Variants in USP14 observed in about 807,000 individuals in gnomAD.
The protein encoded by USP14 is ubiquitin carboxyl-terminal hydrolase 14.
In USP14, 38 loss-of-function variants were observed where a neutral mutation model predicts 76.5. That is an observed-to-expected ratio of 0.50 (90% CI 0.38 to 0.65). The LOEUF is 0.65. USP14 is among the 30% of genes least tolerant of loss of function. The pLI is 0.00. For missense variants in USP14, 467 were observed against 586.5 expected (o/e 0.80, Z 2.10); for synonymous variants, 192 against 191.7 (o/e 1.00, Z -0.01).
chr18:204,311 G>A (rs1044762297), intron 12 of USP14, among the ~76,000 whole-genome samples: 2 of 151,952 alleles, frequency 1.3e-5, no homozygotes, highest in African/African-American at 2.4e-5. Flanking sequence ...TTCCTCTGTG[G>A]TTAGTTTTGT....
rs765644500 is a variant in USP14, at chr18:209,945, A to G, written c.1165-26A>G. ...AATTTTATTTCCAAAATCATGATTT[A>G]AAATTAAACATTTTTTTCTCCTCAG... On this transcript the variant is annotated intron_variant, in intron 13 of 15. Transcript: ENST00000261601. 9 of 1,545,860 alleles carry G rather than the reference A, an allele frequency of 5.8e-6. No individual in the cohort carries two copies. In the East Asian group the frequency reaches 2.0e-4, roughly 35 times the overall value.
At chr18:161,550 G>A (rs1330539149) in intron 1 of USP14, among the ~76,000 whole-genome samples, 3 of 152,108 alleles carry the variant, frequency 2.0e-5, no homozygotes, top group Non-Finnish European at 4.4e-5. Context: ...TACTTACATA[G>A]TTAATTACTC....
intron 3 of USP14, among the ~76,000 whole-genome samples, chr18:171,761 CCTT>C (rs1177065294): frequency 6.6e-6 from 1 of 152,172 alleles, no homozygotes; most frequent in Non-Finnish European, 1.5e-5. Flanking sequence ...CAATTAAAAA[CCTT>C]CTGGAAAGGA....
At chr18:175,046 T>G (rs1301274795) in intron 3 of USP14, among the ~76,000 whole-genome samples, 1 of 152,176 alleles carries the variant, frequency 6.6e-6, no homozygotes, top group African/African-American at 2.4e-5. Flanking sequence ...GTGCTGGGAT[T>G]ACAAGCGTGA....
At position 158,782 on chromosome 18, in the gene USP14, T is replaced by A. The variant is rs535626748; in HGVS notation, c.16+68T>A. The A allele has an allele frequency of 3.0e-4, 405 of 1,334,668 alleles. 2 individuals carry two copies. In the Middle Eastern group the frequency reaches 3.8e-3, roughly 13 times the overall value. 82.7% of individuals were successfully genotyped at this position (1,334,668 alleles called of 1,614,324 possible). On this transcript the variant is annotated intron_variant, in intron 1 of 15. Transcript: ENST00000261601. ...GCTAGGCCTCCGCGTAGGCCTGGCC[T>A]GCACGGGCGGGCACCCGGCATGGAC...
chr18:184,614 C>A (rs535410004), intron 5 of USP14, among the ~76,000 whole-genome samples: 16 of 151,974 alleles, frequency 1.1e-4, no homozygotes, highest in African/African-American at 3.4e-4. Flanking sequence ...AAACAAAAAA[C>A]CAAAAATTAG....
At chr18:200,348 C>G (rs1269188674) in intron 10 of USP14, among the ~76,000 whole-genome samples, 2 of 152,142 alleles carry the variant, frequency 1.3e-5, no homozygotes, top group African/African-American at 4.8e-5. Flanking sequence ...TTGTCTAAAC[C>G]AGGACACTTT....
In USP14 at chr18:213,296, T is replaced by TAAGC. The variant is rs1555603653; in HGVS notation, c.*2013_*2016dup. Reference sequence around the variant, plus strand: ...TGAGCTAGGTTTAGAGCAAAGTATATAAGCCTTGTATGGACTATATTAGAA... The same window carrying TAAGC: ...TGAGCTAGGTTTAGAGCAAAGTATATAAGCAAGCCTTGTATGGACTATATTAGAA... On this transcript the variant is annotated 3_prime_UTR_variant, in exon 16 of 16. Transcript: ENST00000261601. The TAAGC allele has an allele frequency of 2.0e-5, 3 of 152,212 alleles. No individual in the cohort carries two copies. Among genetic ancestry groups the TAAGC allele is most frequent in the African/African-American group, 7.2e-5 (3 of 41,460 alleles). The allele number at this position is 152,212 out of a possible 1,614,324, so 9.4% of individuals were successfully genotyped here. A position where few individuals can be genotyped will look rare whatever the true frequency, so the allele number is the denominator to read the frequency against.
At position 211,335 on chromosome 18, in the gene USP14, A is replaced by T; in HGVS notation, c.*51A>T. 6.4e-7 allele frequency: 1 copy of T among 1,552,574 alleles called. No homozygotes were observed. Among genetic ancestry groups the T allele is most frequent in the South Asian group, 1.2e-5 (1 of 82,314 alleles). On this transcript the variant is annotated 3_prime_UTR_variant, in exon 16 of 16. Transcript: ENST00000261601. ...ATGTGAAAATAAATGTTATTTGTTG[A>T]TCATTTCTATAATCCAGAGCTTTAG...
chr18:170,313 C>CAAAT lies in USP14; in HGVS notation c.195+3513_195+3516dup, dbSNP rs200069635. On this transcript the variant is annotated intron_variant, in intron 3 of 15. Coordinates refer to ENST00000261601, the MANE Select transcript of USP14 (RefSeq NM_005151.4). ...AGCGAGACTCTGTCTCAAAAATAAA[C>CAAAT]AAATAAATAAATAAATAAATAACCC... Among the ~76,000 whole-genome samples, 134 of 151,888 alleles carry CAAAT rather than the reference C, an allele frequency of 8.8e-4. 1 individual carries two copies. Among genetic ancestry groups the CAAAT allele is most frequent in the East Asian group, 5.4e-3 (28 of 5,154 alleles).
intron 2 of USP14, among the ~76,000 whole-genome samples, chr18:163,917 A>G (rs970927534): frequency 2.7e-5 from 4 of 150,866 alleles, no homozygotes; most frequent in Non-Finnish European, 5.9e-5. Context: ...TGTTCTCATT[A>G]TTTAGCTCCC....
In USP14 at chr18:213,120, A is replaced by ACG. The variant is rs1188335155; in HGVS notation, c.*1836_*1837insCG. ...GAGACCATGAAAATTATAATGATTC[A>ACG]TGTATATTTGTATGATGCTTGTAAC... is the stretch of plus-strand genomic sequence containing the variant. On this transcript the variant is annotated 3_prime_UTR_variant, in exon 16 of 16. Transcript: ENST00000261601. The ACG allele has an allele frequency of 6.9e-6, 1 of 145,772 alleles. No homozygotes were observed. Among genetic ancestry groups the ACG allele is most frequent in the Non-Finnish European group, 1.6e-5 (1 of 64,030 alleles). The allele number at this position is 145,772 out of a possible 1,614,324, so 9.0% of individuals were successfully genotyped here.
At chr18:209,430 A>G (rs605049) in intron 13 of USP14, among the ~76,000 whole-genome samples, 31,677 of 152,198 alleles carry the variant, frequency 0.21, 3,474 homozygotes, top group Non-Finnish European at 0.24. Context: ...GAGTTGAAGC[A>G]GTGAGTTCCT....
chr18:166,015 T>G (rs1909261417), intron 2 of USP14, among the ~76,000 whole-genome samples: 1 of 152,106 alleles, frequency 6.6e-6, no homozygotes. Flanking sequence ...AAAAAAAAAT[T>G]CTTGATTTTT....
chr18:214,297 C>G lies in USP14; in HGVS notation c.*3013C>G, dbSNP rs516629. 2.2e-3 allele frequency: 451 copies of G among 202,352 alleles called. 1 individual carries two copies. Among genetic ancestry groups the G allele is most frequent in the Admixed American group, 3.6e-3 (66 of 18,508 alleles). 12.5% of individuals were successfully genotyped at this position (202,352 alleles called of 1,614,324 possible). On this transcript the variant is annotated 3_prime_UTR_variant, in exon 16 of 16. Coordinates refer to ENST00000261601, the MANE Select transcript of USP14 (RefSeq NM_005151.4). ...TTTCAGGATAAATTTTGTAAAACTA[C>G]TAACAAACAACACACAGGAAACTAA...
chr18:197,966 G>T (rs1472903755), intron 8 of USP14, 81 bp from the exon 9 acceptor site: 3 of 1,210,234 alleles, frequency 2.5e-6, no homozygotes, highest in Non-Finnish European at 3.4e-6. Context: ...AAAAAAATAT[G>T]TATTACTAAA....
At chr18:171,045 T>TATATATAG (rs1568416841) in intron 3 of USP14, among the ~76,000 whole-genome samples, 1 of 130,780 alleles carries the variant, frequency 7.6e-6, no homozygotes, top group East Asian at 2.8e-4. Flanking sequence ...TATATATATA[T>TATATATAG]ATATATATAT....
chr18:178,449 T>C (rs926199106), intron 3 of USP14, among the ~76,000 whole-genome samples: 1 of 152,244 alleles, frequency 6.6e-6, no homozygotes, highest in African/African-American at 2.4e-5. Context: ...TATTTTTTCC[T>C]TAAGCTTTAT....
chr18:173,266 C>T (rs1408779331), intron 3 of USP14, among the ~76,000 whole-genome samples: 1 of 151,788 alleles, frequency 6.6e-6, no homozygotes, highest in Non-Finnish European at 1.5e-5. Flanking sequence ...TGCCACCACA[C>T]CCGGCTATTT....
Sources: allele counts gnomAD v4.1 joint callset (sites outside exome capture counted in the v4.1 genomes callset), GRCh38; gene constraint gnomAD v4.1.1; transcripts MANE v1.5; gene names NCBI Gene and HGNC (gene_info 2026-07-23, HGNC 2026-07-21).